The following PCDHGB3 variants were observed in gnomAD, a reference collection of about 807,000 sequenced individuals.
The protein encoded by PCDHGB3 is protocadherin gamma subfamily B, 3.
Under a neutral mutation model 59.2 loss-of-function variants are expected in PCDHGB3, and 40 were observed. The ratio of observed to expected loss-of-function variants is 0.68; its 90% confidence interval spans 0.52 to 0.88. The LOEUF (loss-of-function observed/expected upper bound fraction) is 0.88, where lower values mean the gene tolerates loss of function less well. Among genes scored for constraint, PCDHGB3 ranks in the 40% least tolerant of loss-of-function variants. The probability of loss-of-function intolerance (pLI) is 0.00; values close to 1 mark genes in which losing one functional copy is unlikely to be tolerated. For missense variants in PCDHGB3, 1,309 were observed against 1,187.9 expected, an observed-to-expected ratio of 1.10 and a Z score of -1.50; for synonymous variants, 581 against 503.6, an observed-to-expected ratio of 1.15 and a Z score of -2.06.
chr5:141,410,822 A>T (rs2095425246), intron 1 of PCDHGB3: 1 of 461,414 alleles, frequency 2.2e-6, no homozygotes, highest in Non-Finnish European at 3.6e-6. Flanking sequence ...AAATAATGTC[A>T]CCAGACTGAA....
chr5:141,371,912 C>G lies in PCDHGB3; in HGVS notation c.1518C>G (p.Ser506=), dbSNP rs1768180129. ...CGCGGGAGCTGTCGTCCTACGTGTC[C>G]GTGAGCGCGCGGAGCGGGGTGGTGT... is the stretch of plus-strand genomic sequence containing the variant. ...LEPRELSSYV[S]VSARSGVVFA... Residue 506 remains serine (S), a synonymous_variant, in exon 1 of 4, where the codon TCC becomes TCG. Coordinates refer to ENST00000576222, the MANE Select transcript of PCDHGB3 (RefSeq NM_018924.5). 6.2e-7 allele frequency: 1 copy of G among 1,613,380 alleles called. No homozygotes were observed. The highest frequency in any genetic ancestry group is 8.5e-7 in the Non-Finnish European group (1 of 1,179,904).
Position 141,489,992 on chromosome 5 carries a change from TC to T in PCDHGB3, c.2416-4812del. The T allele has an allele frequency of 6.2e-7, 1 of 1,614,216 alleles. No individual in the cohort carries two copies. The highest frequency in any genetic ancestry group is 8.5e-7 in the Non-Finnish European group (1 of 1,180,016). On this transcript the variant is annotated intron_variant, in intron 1 of 3. Coordinates refer to ENST00000576222, the MANE Select transcript of PCDHGB3 (RefSeq NM_018924.5). The surrounding 1 kb of genome is among the most constrained non-coding windows in gnomAD (Gnocchi z 4.5). The stretch of plus-strand genomic sequence containing the variant: ...CAATCCTCAGTTCTACGTGTGGGAA[TC>T]CCAGAGAATGCACCCATTGGTACTC...
intron 1 of PCDHGB3, chr5:141,408,300 T>TC: frequency 6.2e-7 from 1 of 1,613,732 alleles, no homozygotes; most frequent in South Asian, 1.1e-5. Context: ...AGTGAGCCGA[T>TC]CCGCTACTCG....
At chr5:141,394,158 C>T in intron 1 of PCDHGB3, 1 of 1,613,844 alleles carries the variant, frequency 6.2e-7, no homozygotes, top group East Asian at 2.2e-5. Flanking sequence ...TAACGACAAC[C>T]CTCCTACTTT....
chr5:141,395,435 T>A, intron 1 of PCDHGB3: 1 of 680,384 alleles, frequency 1.5e-6, no homozygotes, highest in Non-Finnish European at 2.3e-6. Context: ...TTTAAACGAC[T>A]TGGAAAAGAT....
At chr5:141,509,268 G>A (rs2099875959) in intron 3 of PCDHGB3, among the ~76,000 whole-genome samples, 1 of 152,150 alleles carries the variant, frequency 6.6e-6, no homozygotes, top group South Asian at 2.1e-4. Flanking sequence ...AGTCACTCTC[G>A]CTACCCGCTC....
intron 1 of PCDHGB3, chr5:141,410,576 C>T (rs533810160): frequency 8.7e-6 from 14 of 1,611,152 alleles, no homozygotes; most frequent in Non-Finnish European, 1.2e-5. Context: ...AATTCCACCT[C>T]ATGGTGGGGA....
At position 141,422,169 on chromosome 5, in the gene PCDHGB3, A is replaced by G. The variant is rs1386896405; in HGVS notation, c.2415+49360A>G. 2.6e-6 allele frequency: 4 copies of G among 1,563,898 alleles called. No homozygotes were observed. In the South Asian group the frequency reaches 4.9e-5, roughly 19 times the overall value. On this transcript the variant is annotated intron_variant, in intron 1 of 3. Coordinates refer to ENST00000576222, the MANE Select transcript of PCDHGB3 (RefSeq NM_018924.5). ...GGTCTCTGGATTTTGAAAAATATAG[A>G]TTCTATGAGATGGAAATTCAAGGCC...
At chr5:141,403,672 G>A in intron 1 of PCDHGB3, 1 of 1,613,846 alleles carries the variant, frequency 6.2e-7, no homozygotes, top group Non-Finnish European at 8.5e-7. Context: ...ATAATGCCCC[G>A]GTTTTTGCTC....
At chr5:141,503,116 A>G (rs1303445673) in intron 2 of PCDHGB3, among the ~76,000 whole-genome samples, 11 of 151,656 alleles carry the variant, frequency 7.3e-5, no homozygotes, top group Admixed American at 4.6e-4. Flanking sequence ...GCCTCTCTTC[A>G]TACCCTCTGG....
chr5:141,392,101 C>G (rs1234202076), intron 1 of PCDHGB3: 1 of 152,130 alleles, frequency 6.6e-6, no homozygotes, highest in Non-Finnish European at 1.5e-5. Context: ...AATTTAAAAG[C>G]AACAACTCTA....
At chr5:141,413,389 T>G in intron 1 of PCDHGB3, 1 of 1,613,986 alleles carries the variant, frequency 6.2e-7, no homozygotes, top group Non-Finnish European at 8.5e-7. Flanking sequence ...CCGCATAGTC[T>G]CCAGAGGTAG....
intron 1 of PCDHGB3, chr5:141,398,846 C>T (rs1589346275): frequency 3.7e-6 from 6 of 1,613,850 alleles, no homozygotes; most frequent in South Asian, 3.3e-5. Flanking sequence ...GATAATCCCC[C>T]GGTATTCAAC....
chr5:141,433,033 C>A, intron 1 of PCDHGB3: 2 of 1,614,164 alleles, frequency 1.2e-6, no homozygotes, highest in Non-Finnish European at 1.7e-6. Flanking sequence ...ACGAGGTTTC[C>A]CTCACCACGG....
intron 1 of PCDHGB3, chr5:141,390,310 C>T: frequency 1.2e-6 from 2 of 1,612,362 alleles, no homozygotes; most frequent in Non-Finnish European, 1.7e-6. Context: ...TAATTTAATG[C>T]TCATTGCCTA....
chr5:141,408,060 T>G (rs2095034623), intron 1 of PCDHGB3: 1 of 1,324,738 alleles, frequency 7.5e-7, no homozygotes, highest in Admixed American at 2.9e-5. Flanking sequence ...GCCTCCCGGC[T>G]GCGCAGACCT....
chr5:141,390,210 G>T, intron 1 of PCDHGB3: 1 of 1,614,046 alleles, frequency 6.2e-7, no homozygotes, highest in Non-Finnish European at 8.5e-7. Context: ...TTCAGGACAA[G>T]ACATACTTTG....
At chr5:141,409,755 G>C (rs2095312141) in intron 1 of PCDHGB3, 1 of 1,613,024 alleles carries the variant, frequency 6.2e-7, no homozygotes, top group Non-Finnish European at 8.5e-7. Flanking sequence ...TTCGCGCAGC[G>C]CGCCTTTGAT....
At chr5:141,423,838 T>G in intron 1 of PCDHGB3, 1 of 1,279,552 alleles carries the variant, frequency 7.8e-7, no homozygotes, top group South Asian at 3.5e-5. Context: ...GAGATTACGA[T>G]AATCTTTCAG....
Sources: gnomAD v4.1 joint callset for allele counts (sites outside exome capture counted in the v4.1 genomes callset) on GRCh38, gnomAD v4.1.1 for gene constraint, Gnocchi (gnomAD v3.1) non-coding constraint, MANE v1.5 for transcripts, NCBI Gene and HGNC (gene_info 2026-07-23, HGNC 2026-07-21) for gene names.